The following FILIP1L variants were observed in gnomAD, a reference collection of about 807,000 sequenced individuals.
The protein encoded by FILIP1L is filamin A interacting protein 1 like.
In FILIP1L, 55 loss-of-function variants were observed where a neutral mutation model predicts 96.6. The observed-to-expected ratio is 0.57, with a 90% CI of 0.46 to 0.71. The LOEUF is 0.71. Among genes scored for constraint, FILIP1L ranks in the 30% least tolerant of loss-of-function variants. The pLI, the probability that FILIP1L is intolerant of heterozygous loss-of-function variation, is 0.00. For missense variants in FILIP1L, 1,304 were observed against 1,321.2 expected (o/e 0.99, Z 0.20); for synonymous variants, 467 against 473.9 (o/e 0.99, Z 0.19).
At chr3:100,051,182 TCTC>T (rs1265460038) in intron 1 of FILIP1L, 1 of 152,160 alleles carries the variant, frequency 6.6e-6, no homozygotes, top group Non-Finnish European at 1.5e-5. Context: ...TCACAATTCT[TCTC>T]TGTGAGTCCA....
chr3:99,924,249 G>GT lies in FILIP1L; in HGVS notation c.585dup (p.Leu196ThrfsTer6). 1 of 1,613,682 alleles carries GT rather than the reference G, an allele frequency of 6.2e-7. No individual in the cohort carries two copies. Among genetic ancestry groups the GT allele is most frequent in the East Asian group, 2.2e-5 (1 of 44,872 alleles). On this transcript the variant is annotated frameshift_variant, in exon 4 of 6. Coordinates refer to ENST00000477258, the MANE Select transcript of FILIP1L (RefSeq NM_001387850.1). LOFTEE classifies it high-confidence loss of function. ...CCTTACCTTTCACATTCCTGTTCTA[G>GT]TAGGCATATGAATTCATCACTCTTC...
intron 4 of FILIP1L, among the ~76,000 whole-genome samples, chr3:99,921,486 G>C (rs1461914216): frequency 1.3e-5 from 2 of 152,154 alleles, no homozygotes; most frequent in Admixed American, 1.3e-4. Flanking sequence ...GTGATGTTCA[G>C]GCAAAGCAAG....
intron 4 of FILIP1L, among the ~76,000 whole-genome samples, chr3:99,895,499 T>G (rs1356537607): frequency 6.6e-6 from 1 of 152,126 alleles, no homozygotes. Context: ...CTGATCTCCT[T>G]TTGCAGAAGA....
intron 1 of FILIP1L, among the ~76,000 whole-genome samples, chr3:100,047,326 A>G (rs1159333107): frequency 6.6e-6 from 1 of 152,250 alleles, no homozygotes; most frequent in Admixed American, 6.5e-5. Context: ...TCCAAAGCAT[A>G]TTTATTGATG....
intron 1 of FILIP1L, among the ~76,000 whole-genome samples, chr3:100,036,327 C>A (rs2065107274): frequency 6.6e-6 from 1 of 152,066 alleles, no homozygotes; most frequent in South Asian, 2.1e-4. Flanking sequence ...AAAAGATGAG[C>A]CTGGAACATC....
At chr3:100,090,439 A>T (rs906416386) in intron 1 of FILIP1L, among the ~76,000 whole-genome samples, 2 of 152,226 alleles carry the variant, frequency 1.3e-5, no homozygotes, top group Non-Finnish European at 2.9e-5. Flanking sequence ...TTTTCTAAGA[A>T]ATTTAGAGAA....
intron 4 of FILIP1L, among the ~76,000 whole-genome samples, chr3:99,905,316 C>T (rs1233409236): frequency 6.6e-6 from 1 of 152,148 alleles, no homozygotes; most frequent in African/African-American, 2.4e-5. Context: ...CCCATGTGTG[C>T]ACTTACTCCT....
rs557215407 is a variant in FILIP1L at position 99,975,428 on chromosome 3, C to T, written c.-10-44398G>A. Among the ~76,000 whole-genome samples the T allele has an allele frequency of 2.6e-5, 4 of 152,092 alleles. No homozygotes were observed. In the South Asian group the frequency reaches 8.3e-4, roughly 32 times the overall value. On this transcript the variant is annotated intron_variant, in intron 1 of 5. Coordinates refer to ENST00000477258, the MANE Select transcript of FILIP1L (RefSeq NM_001387850.1). Reference sequence around the variant, plus strand: ...CCAACATGGTGAAACTCTGTCTCTGCTAAAAATACAAAAATTAGCTGAGTA... The same window carrying T: ...CCAACATGGTGAAACTCTGTCTCTGTTAAAAATACAAAAATTAGCTGAGTA...
chr3:99,928,904 G>T (rs1707382066), intron 3 of FILIP1L, among the ~76,000 whole-genome samples: 1 of 152,200 alleles, frequency 6.6e-6, no homozygotes, highest in Admixed American at 6.5e-5. Flanking sequence ...ACCCCGTAGA[G>T]AAGCAGATAC....
chr3:100,079,736 A>T (rs1432880790), intron 1 of FILIP1L, among the ~76,000 whole-genome samples: 1 of 152,158 alleles, frequency 6.6e-6, no homozygotes, highest in Non-Finnish European at 1.5e-5. Flanking sequence ...TAGAACAAAA[A>T]TTAATCCCAC....
At chr3:99,875,968 A>G in intron 4 of FILIP1L, 1 of 748,230 alleles carries the variant, frequency 1.3e-6, no homozygotes, top group Non-Finnish European at 1.6e-6. Context: ...ACCTGTCTGC[A>G]GTTTGTGATG....
intron 1 of FILIP1L, among the ~76,000 whole-genome samples, chr3:100,038,923 T>G (rs1428033491): frequency 2.0e-5 from 3 of 152,160 alleles, no homozygotes; most frequent in Non-Finnish European, 4.4e-5. Context: ...GAAGAAAGAA[T>G]GAACGTACAT....
chr3:99,983,462 GTGTATATATATATATATATATA>G lies in FILIP1L; in HGVS notation c.-10-52454_-10-52433del, dbSNP rs1437578267. 3.1e-3 allele frequency among the ~76,000 whole-genome samples: 37 copies of G among 11,988 alleles called. 1 individual carries two copies. The highest frequency in any genetic ancestry group is 0.02 in the East Asian group (5 of 252). 7.9% of individuals were successfully genotyped at this position (11,988 alleles called of 152,430 possible). On this transcript the variant is annotated intron_variant, in intron 1 of 5. Coordinates refer to ENST00000477258, the MANE Select transcript of FILIP1L (RefSeq NM_001387850.1). ...TATATGTATGTATATATATATATGTGTGTATATATATATATATATATATATATATATATATATATATATATAT... is the reference window on the plus strand; with the variant it reads ...TATATGTATGTATATATATATATGTGTATATATATATATATATATATATAT...
chr3:100,030,412 G>A (rs1179558993), intron 1 of FILIP1L, among the ~76,000 whole-genome samples: 1 of 152,086 alleles, frequency 6.6e-6, no homozygotes, highest in African/African-American at 2.4e-5. Flanking sequence ...AACTCTAATT[G>A]TAATGAGTAT....
chr3:100,027,558 C>T (rs1042054315), intron 1 of FILIP1L, among the ~76,000 whole-genome samples: 1 of 152,122 alleles, frequency 6.6e-6, no homozygotes, highest in Non-Finnish European at 1.5e-5. Flanking sequence ...TTCTTCCCTT[C>T]CATTCCCACA....
chr3:99,929,058 C>A (rs1447482838), intron 3 of FILIP1L, among the ~76,000 whole-genome samples: 1 of 152,200 alleles, frequency 6.6e-6, no homozygotes, highest in African/African-American at 2.4e-5. Context: ...CTGAAACTTG[C>A]TTTCACTCTC....
intron 5 of FILIP1L, among the ~76,000 whole-genome samples, chr3:99,846,477 G>C (rs1386649866): frequency 1.3e-5 from 2 of 152,174 alleles, no homozygotes; most frequent in South Asian, 2.1e-4. Context: ...TCCTTCTAGA[G>C]TTCTGGCCCA....
chr3:99,958,150 G>A (rs549512015), intron 1 of FILIP1L, among the ~76,000 whole-genome samples: 11 of 149,140 alleles, frequency 7.4e-5, no homozygotes, highest in African/African-American at 1.7e-4. Flanking sequence ...AATCTGTGCC[G>A]TGGTGGTTTG....
intron 1 of FILIP1L, among the ~76,000 whole-genome samples, chr3:100,069,646 A>G (rs1272854098): frequency 6.6e-6 from 1 of 152,168 alleles, no homozygotes; most frequent in Non-Finnish European, 1.5e-5. Flanking sequence ...CTTTTCACAG[A>G]CATTAATAGT....
Sources: gnomAD v4.1 joint callset for allele counts (sites outside exome capture counted in the v4.1 genomes callset) on GRCh38, gnomAD v4.1.1 for gene constraint, MANE v1.5 for transcripts, NCBI Gene and HGNC (gene_info 2026-07-23, HGNC 2026-07-21) for gene names.